The following ZSWIM6 variants were observed in gnomAD, a reference collection of about 807,000 sequenced individuals.
ZSWIM6 encodes zinc finger SWIM domain-containing protein 6.
In ZSWIM6, 9 loss-of-function variants were observed where a neutral mutation model predicts 113.2. The ratio of observed to expected loss-of-function variants is 0.08; its 90% CI spans 0.05 to 0.14. The LOEUF (loss-of-function observed/expected upper bound fraction) is 0.14, where lower values mean the gene tolerates loss of function less well. ZSWIM6 is among the 10% of genes least tolerant of loss of function. The pLI is 1.00. For missense variants in ZSWIM6, 1,162 were observed against 1,552.2 expected, an observed-to-expected ratio of 0.75 and a Z score of 4.22; for synonymous variants, 611 against 606.5, an observed-to-expected ratio of 1.01 and a Z score of -0.11.
intron 1 of ZSWIM6, among the ~76,000 whole-genome samples, chr5:61,459,673 T>A (rs938980420): frequency 2.0e-5 from 3 of 152,254 alleles, no homozygotes; most frequent in African/African-American, 7.2e-5. Flanking sequence ...ATAAAAGCTT[T>A]ACATTTTTAT....
At chr5:61,454,739 A>T (rs925202303) in intron 1 of ZSWIM6, among the ~76,000 whole-genome samples, 1 of 151,554 alleles carries the variant, frequency 6.6e-6, no homozygotes, top group South Asian at 2.1e-4. Context: ...GCACTACCAC[A>T]CCTGGCTAAT....
intron 1 of ZSWIM6, among the ~76,000 whole-genome samples, chr5:61,397,008 C>G (rs1057015472): frequency 6.6e-6 from 1 of 152,122 alleles, no homozygotes; most frequent in Non-Finnish European, 1.5e-5. Flanking sequence ...AACTGCTTCT[C>G]AGAGAGGGTA....
chr5:61,441,780 G>A (rs771988649), intron 1 of ZSWIM6, among the ~76,000 whole-genome samples: 11 of 152,246 alleles, frequency 7.2e-5, no homozygotes, highest in South Asian at 2.1e-4. Flanking sequence ...ATGGTTTAGC[G>A]AACTTATCTG....
Position 61,340,686 on chromosome 5 carries a change from T to C in ZSWIM6, c.676+7738T>C, listed in dbSNP as rs144039171. Among the ~76,000 whole-genome samples the C allele has an allele frequency of 2.8e-3, 434 of 152,334 alleles. 5 individuals carry two copies. The highest frequency in any genetic ancestry group is 0.01 in the African/African-American group (420 of 41,580). On this transcript the variant is annotated intron_variant, in intron 1 of 13. Transcript: ENST00000252744. ...GGCATAGGAAATGGCAAAGCCGTGT[T>C]GCTTATTTTTCCTACTGTTTGGGCC...
intron 1 of ZSWIM6, among the ~76,000 whole-genome samples, chr5:61,334,950 G>A (rs752685701): frequency 2.4e-4 from 37 of 151,876 alleles, no homozygotes; most frequent in Non-Finnish European, 4.3e-4. Flanking sequence ...CAAGCAATGA[G>A]GAATGACAGG....
intron 2 of ZSWIM6, among the ~76,000 whole-genome samples, chr5:61,485,101 C>T (rs1391117541): frequency 3.3e-5 from 5 of 152,118 alleles, no homozygotes; most frequent in South Asian, 2.1e-4. Flanking sequence ...CCCCCTTCCT[C>T]GCAGTACTTG....
chr5:61,467,574 A>T (rs544772494), intron 1 of ZSWIM6, among the ~76,000 whole-genome samples: 70 of 152,334 alleles, frequency 4.6e-4, no homozygotes, highest in South Asian at 2.1e-3. Flanking sequence ...CCTCTCAAAG[A>T]GACTTAGGGA....
At chr5:61,483,573 A>G (rs1278705068) in intron 2 of ZSWIM6, among the ~76,000 whole-genome samples, 1 of 152,118 alleles carries the variant, frequency 6.6e-6, no homozygotes, top group Non-Finnish European at 1.5e-5. Flanking sequence ...CATATTTTAA[A>G]AATATATAAT....
intron 2 of ZSWIM6, among the ~76,000 whole-genome samples, chr5:61,481,249 A>T (rs1747855065): frequency 6.6e-6 from 1 of 152,250 alleles, no homozygotes; most frequent in Non-Finnish European, 1.5e-5. Flanking sequence ...CAGACACAGC[A>T]TAAGCCAATT....
At chr5:61,531,156 T>G (rs1326405742) in intron 8 of ZSWIM6, among the ~76,000 whole-genome samples, 1 of 152,220 alleles carries the variant, frequency 6.6e-6, no homozygotes, top group Non-Finnish European at 1.5e-5. Context: ...TGTAATTAAA[T>G]TTTGTTTTTC....
intron 12 of ZSWIM6, 129 bp from the exon 13 acceptor site, chr5:61,541,755 A>G: frequency 1.3e-6 from 1 of 773,318 alleles, no homozygotes; most frequent in Admixed American, 2.6e-5. Context: ...GCTTTGCTCT[A>G]AATTATGCTT....
At chr5:61,490,728 C>A in intron 2 of ZSWIM6, 58 bp from the exon 3 acceptor site, 2 of 1,498,610 alleles carry the variant, frequency 1.3e-6, no homozygotes, top group Non-Finnish European at 1.8e-6. Context: ...TTAATTAATC[C>A]TTTTAGCACA....
At chr5:61,406,301 C>G (rs1204886182) in intron 1 of ZSWIM6, among the ~76,000 whole-genome samples, 1 of 152,154 alleles carries the variant, frequency 6.6e-6, no homozygotes, top group Admixed American at 6.5e-5. Flanking sequence ...CATTTGTATA[C>G]TTAATATATT....
At chr5:61,540,907 A>G (rs1021669999) in intron 12 of ZSWIM6, among the ~76,000 whole-genome samples, 16 of 106,992 alleles carry the variant, frequency 1.5e-4, no homozygotes, top group Non-Finnish European at 2.0e-4. Flanking sequence ...GTCCCTGGAT[A>G]TTTTGTGGGT....
chr5:61,441,104 A>G (rs1437789744), intron 1 of ZSWIM6, among the ~76,000 whole-genome samples: 1 of 152,184 alleles, frequency 6.6e-6, no homozygotes, highest in Admixed American at 6.5e-5. Flanking sequence ...TGGCAGAGGA[A>G]ATTGCATGAG....
chr5:61,513,578 A>G (rs1211285184), intron 4 of ZSWIM6, among the ~76,000 whole-genome samples: 5 of 152,106 alleles, frequency 3.3e-5, no homozygotes, highest in Non-Finnish European at 7.4e-5. Flanking sequence ...ATTTTCTCCT[A>G]AACTTTTTTC....
chr5:61,445,383 A>G (rs1746929035), intron 1 of ZSWIM6, among the ~76,000 whole-genome samples: 1 of 152,218 alleles, frequency 6.6e-6, no homozygotes, highest in African/African-American at 2.4e-5. Flanking sequence ...TGGCTTCTAG[A>G]TACAGTACTG....
Position 61,332,529 on chromosome 5 carries a change from C to G in ZSWIM6, c.257C>G (p.Ala86Gly). The change falls in exon 1 of 14, where the codon GCG becomes GGG. Residue 86 changes from alanine to glycine, a missense_variant. Ala to Gly is a moderately conservative substitution (Grantham distance 60). Coordinates refer to ENST00000252744, the MANE Select transcript of ZSWIM6 (RefSeq NM_020928.2). ...CTGGACATCGCGGCGCGCAGGGTGGCGGAGAAGTGGCCGTTCCAGCGCGTG... is the reference window on the plus strand; with the variant it reads ...CTGGACATCGCGGCGCGCAGGGTGGGGGAGAAGTGGCCGTTCCAGCGCGTG... ...SLLDIAARRVAEKWPFQRVEE... is the reference protein window; with the variant it reads ...SLLDIAARRVGEKWPFQRVEE... 1 of 1,337,638 alleles carries G rather than the reference C, an allele frequency of 7.5e-7. No homozygotes were observed. The highest frequency in any genetic ancestry group is 9.8e-7 in the Non-Finnish European group (1 of 1,016,128). 82.9% of individuals were successfully genotyped at this position (1,337,638 alleles called of 1,614,324 possible).
rs1443242578 is a variant in ZSWIM6 at position 61,543,840 on chromosome 5, C to T, written c.3171C>T (p.Leu1057=). Residue 1057 remains leucine (L), a synonymous_variant, in exon 14 of 14, where the codon CTC becomes CTT. Coordinates refer to ENST00000252744, the MANE Select transcript of ZSWIM6 (RefSeq NM_020928.2). This position sits in a 1 kb window ranked among gnomAD's most constrained non-coding sequence, Gnocchi z 4.3. The part of the protein sequence containing the change: ...YKLATLAMTH[L]NLSYNQDTHP... The stretch of plus-strand genomic sequence containing the variant: ...TGGCCACCCTGGCCATGACCCATCT[C>T]AACCTGAGCTACAATCAGGACACAC... 7 of 1,551,936 alleles carry T rather than the reference C, an allele frequency of 4.5e-6. No individual in the cohort carries two copies. The highest frequency in any genetic ancestry group is 2.0e-5 in the Admixed American group (1 of 51,014).
Sources: gnomAD v4.1 joint callset for allele counts (sites outside exome capture counted in the v4.1 genomes callset) on GRCh38, gnomAD v4.1.1 for gene constraint, Gnocchi (gnomAD v3.1) non-coding constraint, MANE v1.5 for transcripts, NCBI Gene and HGNC (gene_info 2026-07-23, HGNC 2026-07-21) for gene names.